Variants in SMAD3 observed in about 807,000 individuals in gnomAD.
SMAD3 encodes SMAD family member 3.
A neutral mutation model predicts 51.8 loss-of-function variants in SMAD3; 12 were observed. That is an observed-to-expected ratio of 0.23 (90% CI 0.15 to 0.38). SMAD3 has a LOEUF of 0.38. Ranked by LOEUF, SMAD3 falls within the 10% of genes least tolerant of loss-of-function variation. The probability of loss-of-function intolerance (pLI) is 1.00; values close to 1 mark genes in which losing one functional copy is unlikely to be tolerated. For missense variants in SMAD3, 294 were observed against 565.6 expected (o/e 0.52, Z 4.87); for synonymous variants, 238 against 227.7 (o/e 1.05, Z -0.41).
intron 1 of SMAD3, among the ~76,000 whole-genome samples, chr15:67,108,737 G>A (rs1196433809): frequency 1.3e-5 from 2 of 152,214 alleles, no homozygotes; most frequent in Non-Finnish European, 2.9e-5. Context: ...CTGCCTTGTG[G>A]TGTGGACTCT....
At chr15:67,187,294 CT>C in intron 7 of SMAD3, 70 bp from the exon 8 acceptor site, 1 of 1,594,106 alleles carries the variant, frequency 6.3e-7, no homozygotes, top group East Asian at 2.2e-5. Context: ...CCAGGACTTG[CT>C]TTATCCAGGA....
chr15:67,076,415 G>T (rs1477002386), intron 1 of SMAD3, among the ~76,000 whole-genome samples: 1 of 152,202 alleles, frequency 6.6e-6, no homozygotes, highest in Non-Finnish European at 1.5e-5. Flanking sequence ...GCCCGTAAGT[G>T]CATGGAAGTG....
At chr15:67,146,576 G>A (rs998741426) in intron 1 of SMAD3, among the ~76,000 whole-genome samples, 2 of 152,168 alleles carry the variant, frequency 1.3e-5, no homozygotes, top group Non-Finnish European at 2.9e-5. Flanking sequence ...GGAGCGGGGA[G>A]GGACTTCTCT....
intron 1 of SMAD3, among the ~76,000 whole-genome samples, chr15:67,137,064 A>T (rs1485004662): frequency 6.6e-6 from 1 of 152,218 alleles, no homozygotes; most frequent in Non-Finnish European, 1.5e-5. Context: ...GATCTAGGCA[A>T]GGTGACAAGT....
chr15:67,123,064 GGT>G (rs1462493949), intron 1 of SMAD3, among the ~76,000 whole-genome samples: 1 of 151,886 alleles, frequency 6.6e-6, no homozygotes, highest in Non-Finnish European at 1.5e-5. Context: ...TGGGCATGGT[GGT>G]GTGAGCCTGT....
At chr15:67,144,601 A>C (rs974801256) in intron 1 of SMAD3, among the ~76,000 whole-genome samples, 4 of 152,234 alleles carry the variant, frequency 2.6e-5, no homozygotes, top group African/African-American at 9.6e-5. Context: ...TGTAGGGCAC[A>C]GAAGAGGTTC....
rs776900159 is a variant in SMAD3 at position 67,170,594 on chromosome 15, T to C, written c.648T>C (p.His216=). The change falls in exon 5 of 9, where the codon CAT becomes CAC. Residue 216 remains histidine, a synonymous_variant. Transcript: ENST00000327367. The part of the protein sequence containing the change: ...NLSPNPMSPA[H]NNLDLQPVTY... ...CCCCGAATCCGATGTCCCCAGCACA[T>C]AATAACTTGGGTGAGTATCTCCTTG... 5 of 1,613,746 alleles carry C rather than the reference T, an allele frequency of 3.1e-6. No individual in the cohort carries two copies. In the East Asian group the frequency reaches 1.1e-4, roughly 36 times the overall value.
intron 6 of SMAD3, among the ~76,000 whole-genome samples, chr15:67,183,366 G>A (rs1000817945): frequency 4.0e-5 from 6 of 151,796 alleles, no homozygotes; most frequent in African/African-American, 1.5e-4. Context: ...TTACTGAAAC[G>A]AAACAAACAT....
intron 6 of SMAD3, among the ~76,000 whole-genome samples, chr15:67,182,992 A>T (rs868390963): frequency 8.5e-4 from 43 of 50,548 alleles, no homozygotes; most frequent in African/African-American, 3.8e-3. Flanking sequence ...TTATTAAAAA[A>T]AAAAAAAAAT....
chr15:67,112,219 A>G (rs1167935907), intron 1 of SMAD3, among the ~76,000 whole-genome samples: 1 of 122,366 alleles, frequency 8.2e-6, no homozygotes, highest in African/African-American at 3.1e-5. Flanking sequence ...GCGCCATCTC[A>G]GCTCACTGCA....
rs1959893823 is a variant in SMAD3, at chr15:67,065,691, G to A, written c.-464G>A. Among the ~76,000 whole-genome samples the A allele has an allele frequency of 6.6e-6, 1 of 151,730 alleles. No homozygotes were observed. The highest frequency in any genetic ancestry group is 1.5e-5 in the Non-Finnish European group (1 of 67,880). On this transcript the variant is annotated 5_prime_UTR_variant, in exon 1 of 9. Transcript: ENST00000327367. ...CGAGCGAGCGAGCGGCGAGCCGGGA[G>A]GAGGAGGGTGGCGGGGCGGTGAGGC...
intron 7 of SMAD3, 124 bp from the exon 8 acceptor site, chr15:67,187,241 C>A: frequency 2.6e-6 from 3 of 1,145,094 alleles, no homozygotes; most frequent in Non-Finnish European, 3.9e-6. Context: ...CATCACACAC[C>A]ATGTGTCCCT....
chr15:67,107,965 T>TGGGC (rs553047761), intron 1 of SMAD3, among the ~76,000 whole-genome samples: 1 of 124,724 alleles, frequency 8.0e-6, no homozygotes, highest in Non-Finnish European at 1.6e-5. Context: ...TGCTCTCCTC[T>TGGGC]CCCCCCCACC....
intron 1 of SMAD3, among the ~76,000 whole-genome samples, chr15:67,120,616 T>TG (rs1433681712): frequency 6.6e-6 from 1 of 152,258 alleles, no homozygotes; most frequent in Admixed American, 6.5e-5. Context: ...GCAATGGTGT[T>TG]GCCTGGGAAC....
intron 1 of SMAD3, among the ~76,000 whole-genome samples, chr15:67,145,390 T>C (rs899329923): frequency 1.3e-5 from 2 of 152,120 alleles, no homozygotes; most frequent in African/African-American, 2.4e-5. Context: ...GGGAAAGAGA[T>C]TGTTAATCTC....
intron 3 of SMAD3, 99 bp from the exon 4 acceptor site, chr15:67,166,680 G>A (rs1424530852): frequency 3.7e-6 from 3 of 801,044 alleles, no homozygotes; most frequent in African/African-American, 3.4e-5. Context: ...AGCCACGGAT[G>A]CTAGCATCAT....
rs535748380 is a variant in SMAD3, at chr15:67,152,604, G to A, written c.207-12291G>A. Among the ~76,000 whole-genome samples the A allele has an allele frequency of 8.5e-5, 13 of 152,264 alleles. No homozygotes were observed. In the South Asian group the frequency reaches 2.5e-3, roughly 29 times the overall value. ...CAAGGGCTGTGAGTATGCTGAATGG[G>A]TCCATGAGTGATCTCTTAAAAAAAC... On this transcript the variant is annotated intron_variant, in intron 1 of 8. Coordinates refer to ENST00000327367, the MANE Select transcript of SMAD3 (RefSeq NM_005902.4).
At chr15:67,099,796 C>T (rs1960708164) in intron 1 of SMAD3, among the ~76,000 whole-genome samples, 1 of 152,166 alleles carries the variant, frequency 6.6e-6, no homozygotes, top group Non-Finnish European at 1.5e-5. Context: ...TTAATTGTTG[C>T]TAATAATAGT....
At chr15:67,116,732 C>T (rs1449654181) in intron 1 of SMAD3, among the ~76,000 whole-genome samples, 2 of 152,164 alleles carry the variant, frequency 1.3e-5, no homozygotes, top group South Asian at 4.1e-4. Context: ...AGCAAGAAAA[C>T]TGAGCATCAG....
Sources: allele counts gnomAD v4.1 joint callset (sites outside exome capture counted in the v4.1 genomes callset), GRCh38; gene constraint gnomAD v4.1.1; transcripts MANE v1.5; gene names NCBI Gene and HGNC (gene_info 2026-07-23, HGNC 2026-07-21).